The following CLNK variants were observed in gnomAD, a reference collection of about 807,000 sequenced individuals.
The protein encoded by CLNK is cytokine-dependent hematopoietic cell linker.
CLNK carries 74 observed loss-of-function variants against 68.6 expected under a neutral mutation model. That is an observed-to-expected ratio of 1.08 (90% CI 0.89 to 1.31). The LOEUF (loss-of-function observed/expected upper bound fraction) is 1.31. Among genes scored for constraint, CLNK ranks in the 50% most tolerant of loss-of-function variants. The pLI is 0.00. For missense variants in CLNK, 553 were observed against 515.3 expected, an observed-to-expected ratio of 1.07 and a Z score of -0.71; for synonymous variants, 198 against 172.2, an observed-to-expected ratio of 1.15 and a Z score of -1.17.
chr4:10,668,576 A>C (rs1222602766), intron 1 of CLNK, among the ~76,000 whole-genome samples: 1 of 152,176 alleles, frequency 6.6e-6, no homozygotes, highest in Non-Finnish European at 1.5e-5. Flanking sequence ...ACAGCTTAAT[A>C]AAGAGACCAT....
intron 3 of CLNK, among the ~76,000 whole-genome samples, chr4:10,592,174 TA>T (rs1000935942): frequency 2.6e-5 from 4 of 152,254 alleles, no homozygotes; most frequent in African/African-American, 7.2e-5. Context: ...TCTCATATTG[TA>T]AAACCTTACT....
intron 14 of CLNK, among the ~76,000 whole-genome samples, chr4:10,525,141 T>G (rs1718252437): frequency 6.6e-6 from 1 of 152,184 alleles, no homozygotes; most frequent in South Asian, 2.1e-4. Flanking sequence ...CTTGGCTCAC[T>G]GCTAGCTCTG....
intron 2 of CLNK, among the ~76,000 whole-genome samples, chr4:10,630,972 A>C (rs1439298544): frequency 6.6e-6 from 1 of 152,142 alleles, no homozygotes; most frequent in Non-Finnish European, 1.5e-5. Flanking sequence ...TTATTTACAG[A>C]ATGTATGAAA....
intron 2 of CLNK, among the ~76,000 whole-genome samples, chr4:10,605,877 T>C (rs1192816690): frequency 6.7e-6 from 1 of 149,112 alleles, no homozygotes; most frequent in East Asian, 2.0e-4. Context: ...GGAAGTGGTA[T>C]ACCTGTATAA....
the CLNK span, among the ~76,000 whole-genome samples, chr4:10,714,136 T>C: frequency 6.6e-6 from 1 of 152,108 alleles, no homozygotes; most frequent in African/African-American, 2.4e-5. Context: ...AGAGCCCCCT[T>C]CCCAGGCTGT....
At chr4:10,491,310 C>T (rs1213155425) in intron 18 of CLNK, among the ~76,000 whole-genome samples, 1 of 152,202 alleles carries the variant, frequency 6.6e-6, no homozygotes, top group Non-Finnish European at 1.5e-5. Flanking sequence ...GCCTTGGAAT[C>T]TCTGTTGCCT....
intron 2 of CLNK, among the ~76,000 whole-genome samples, chr4:10,665,779 C>T (rs1024201768): frequency 2.6e-5 from 4 of 151,956 alleles, no homozygotes; most frequent in South Asian, 2.1e-4. Flanking sequence ...AGCCATCCCA[C>T]GTTGCCCCTG....
chr4:10,529,286 T>C (rs907337361), intron 12 of CLNK, among the ~76,000 whole-genome samples: 1 of 152,166 alleles, frequency 6.6e-6, no homozygotes, highest in African/African-American at 2.4e-5. Context: ...TATTATACCT[T>C]TCATCAAATT....
At chr4:10,695,861 C>CT in the CLNK span, among the ~76,000 whole-genome samples, 481 of 143,866 alleles carry the variant, frequency 3.3e-3, 4 homozygotes, top group East Asian at 0.018. Flanking sequence ...ACAATTAGAG[C>CT]TTTTTTTTTT....
chr4:10,611,208 T>G (rs2531188), intron 2 of CLNK, among the ~76,000 whole-genome samples: 4 of 151,518 alleles, frequency 2.6e-5, no homozygotes, highest in Non-Finnish European at 5.9e-5. Context: ...ATCCCAGATA[T>G]TTGGGAGGCT....
chr4:10,595,515 TC>T (rs1412447258), intron 3 of CLNK, among the ~76,000 whole-genome samples: 4 of 152,188 alleles, frequency 2.6e-5, no homozygotes, highest in African/African-American at 9.7e-5. Context: ...TTGGAGATCC[TC>T]CCAGGCCGTA....
intron 2 of CLNK, among the ~76,000 whole-genome samples, chr4:10,648,903 C>T (rs1723622463): frequency 1.3e-5 from 2 of 152,292 alleles, no homozygotes; most frequent in East Asian, 3.9e-4. Context: ...TTTCATCTCT[C>T]AAACCAGGGA....
At chr4:10,571,067 T>C (rs1289873562) in intron 5 of CLNK, among the ~76,000 whole-genome samples, 1 of 152,176 alleles carries the variant, frequency 6.6e-6, no homozygotes, top group African/African-American at 2.4e-5. Context: ...ATGAAATTGC[T>C]CTCTGGAAAG....
chr4:10,704,504 C>T, the CLNK span, among the ~76,000 whole-genome samples: 1 of 151,792 alleles, frequency 6.6e-6, no homozygotes, highest in East Asian at 1.9e-4. Flanking sequence ...CTACTCTGAA[C>T]CCCTGGGGAT....
chr4:10,545,706 A>G (rs1371880179), intron 8 of CLNK, among the ~76,000 whole-genome samples: 1 of 152,090 alleles, frequency 6.6e-6, no homozygotes, highest in Non-Finnish European at 1.5e-5. Flanking sequence ...GGCTTTTTGC[A>G]TGTCTCCACT....
At position 10,531,233 on chromosome 4, in the gene CLNK, G is replaced by A. The variant is rs544366622; in HGVS notation, c.630+1023C>T. Reference sequence around the variant, plus strand: ...CAGTCATGGTGACCCCACTATCCTCGTAGGGAACTTTGTCTTTGGGCACTG... The same window carrying A: ...CAGTCATGGTGACCCCACTATCCTCATAGGGAACTTTGTCTTTGGGCACTG... On this transcript the variant is annotated intron_variant, in intron 12 of 18. Coordinates refer to ENST00000226951, the MANE Select transcript of CLNK (RefSeq NM_052964.4). 1.2e-4 allele frequency among the ~76,000 whole-genome samples: 18 copies of A among 152,234 alleles called. No homozygotes were observed. The East Asian group carries it at 1.5e-3, about 13-fold the overall frequency.
At chr4:10,719,166 A>G in the CLNK span, among the ~76,000 whole-genome samples, 1 of 152,108 alleles carries the variant, frequency 6.6e-6, no homozygotes, top group Non-Finnish European at 1.5e-5. Flanking sequence ...CAGAAAACAG[A>G]AAATAAAATA....
chr4:10,580,624 A>C (rs982538081), intron 4 of CLNK, among the ~76,000 whole-genome samples: 1 of 152,122 alleles, frequency 6.6e-6, no homozygotes, highest in African/African-American at 2.4e-5. Context: ...TTTGGCAAAA[A>C]CATTTAAAAA....
chr4:10,706,443 G>C, the CLNK span, among the ~76,000 whole-genome samples: 1 of 152,174 alleles, frequency 6.6e-6, no homozygotes, highest in African/African-American at 2.4e-5. Context: ...TGTATAGATA[G>C]AGATGCCAAA....
Sources: allele counts gnomAD v4.1 joint callset (sites outside exome capture counted in the v4.1 genomes callset), GRCh38; gene constraint gnomAD v4.1.1; transcripts MANE v1.5; gene names NCBI Gene and HGNC (gene_info 2026-07-23, HGNC 2026-07-21).